Variants in TCF7 observed in about 807,000 individuals in gnomAD.
The protein encoded by TCF7 is transcription factor 7, also known as T-cell-factor-7.
Under a neutral mutation model 46.8 loss-of-function variants are expected in TCF7, and 19 were observed. The ratio of observed to expected loss-of-function variants is 0.41; its 90% CI spans 0.28 to 0.60. TCF7 has a LOEUF of 0.60. Among genes scored for constraint, TCF7 ranks in the 20% least tolerant of loss-of-function variants. TCF7 has a pLI of 0.35. For synonymous variants in TCF7, 245 were observed against 213.4 expected (o/e 1.15, Z -1.29); for missense variants, 547 against 504.6 (o/e 1.08, Z -0.81).
upstream of TCF7, among the ~76,000 whole-genome samples, chr5:134,112,663 G>GA (rs893923075): frequency 6.6e-5 from 10 of 151,770 alleles, no homozygotes; most frequent in Admixed American, 1.3e-4. Context: ...ATAAAGACAT[G>GA]AAAAAAAACA....
intron 3 of TCF7, among the ~76,000 whole-genome samples, chr5:134,134,466 G>A (rs866192566): frequency 1.3e-5 from 2 of 152,258 alleles, no homozygotes; most frequent in South Asian, 4.1e-4. Flanking sequence ...TAGGCCCTGA[G>A]GCTCAGTCTC....
chr5:134,132,735 TGGGGGGTGCGGGTTG>T (rs1215033794), intron 3 of TCF7, among the ~76,000 whole-genome samples: 1 of 68,234 alleles, frequency 1.5e-5, no homozygotes, highest in Non-Finnish European at 2.9e-5. Flanking sequence ...TGCAGGAAGT[TGGGGGGTGCGGGTTG>T]GGGGGGTGGT....
At chr5:134,135,216 T>C (rs1387610726) in intron 3 of TCF7, among the ~76,000 whole-genome samples, 4 of 152,174 alleles carry the variant, frequency 2.6e-5, no homozygotes, top group Admixed American at 6.5e-5. Flanking sequence ...TCCCTCAGCC[T>C]CCCAAAGTGC....
chr5:134,145,884 AG>A, intron 9 of TCF7: 1 of 1,575,818 alleles, frequency 6.3e-7, no homozygotes, highest in Non-Finnish European at 8.6e-7. Context: ...TGCAGATGTG[AG>A]TCCCACAAAC....
chr5:134,143,464 A>T (rs1365213649), intron 8 of TCF7, 128 bp from the exon 9 acceptor site: 2 of 1,111,152 alleles, frequency 1.8e-6, no homozygotes, highest in South Asian at 2.5e-5. Context: ...ATCAAGAAAC[A>T]CCAGCACCCC....
intron 3 of TCF7, among the ~76,000 whole-genome samples, chr5:134,117,107 G>A (rs1291656000): frequency 3.9e-5 from 6 of 152,272 alleles, no homozygotes; most frequent in Non-Finnish European, 4.4e-5. Context: ...AGCCTAGGCT[G>A]GAAAGCCTAT....
chr5:134,108,227 C>T, the TCF7 span, among the ~76,000 whole-genome samples: 1 of 150,778 alleles, frequency 6.6e-6, no homozygotes. Context: ...ACCCGTCCGT[C>T]CCCACTCCCA....
Position 134,146,405 on chromosome 5 carries a change from TC to T in TCF7, c.*106del, listed in dbSNP as rs1197127619. ...TAGCCCTGCGGAGCCGGCACCTACA[TC>T]CCCAGGTCTCTCCACTGCTCTCAGC... On this transcript the variant is annotated 3_prime_UTR_variant, in exon 10 of 10. Coordinates refer to ENST00000342854, the MANE Select transcript of TCF7 (RefSeq NM_003202.5). The T allele has an allele frequency of 7.2e-7, 1 of 1,394,868 alleles. No homozygotes were observed. The highest frequency in any genetic ancestry group is 1.2e-5 in the South Asian group (1 of 86,652). The allele number at this position is 1,394,868 out of a possible 1,614,324, so 86.4% of individuals were successfully genotyped here.
upstream of TCF7, among the ~76,000 whole-genome samples, chr5:134,114,366 C>G (rs1398539770): frequency 1.3e-5 from 2 of 152,132 alleles, no homozygotes; most frequent in African/African-American, 4.8e-5. Context: ...AAGCCACGCC[C>G]AAGTCCCAAG....
At chr5:134,112,802 C>T (rs1015687153), upstream of TCF7, among the ~76,000 whole-genome samples, 1 of 152,128 alleles carries the variant, frequency 6.6e-6, no homozygotes, top group Non-Finnish European at 1.5e-5. Context: ...CAAAACAAAA[C>T]AAAAAGAACC....
intron 3 of TCF7, among the ~76,000 whole-genome samples, chr5:134,129,604 G>GAT (rs1261609742): frequency 1.3e-5 from 2 of 152,230 alleles, no homozygotes; most frequent in African/African-American, 4.8e-5. Context: ...CTGTCCTGAG[G>GAT]GGCGTTCACC....
intron 5 of TCF7, 92 bp from the exon 6 acceptor site, chr5:134,142,093 C>T: frequency 1.3e-6 from 2 of 1,567,632 alleles, no homozygotes; most frequent in East Asian, 2.3e-5. Flanking sequence ...CACCTGTGTC[C>T]TCAAGTTATG....
At chr5:134,137,893 T>C (rs567495956) in intron 3 of TCF7, 166 bp from the exon 4 acceptor site, 1 of 487,086 alleles carries the variant, frequency 2.1e-6, no homozygotes, top group African/African-American at 2.0e-5. Flanking sequence ...TGGGGGCTAG[T>C]GGGCGGGGTA....
chr5:134,110,509 G>GA (rs1454022632), upstream of TCF7, among the ~76,000 whole-genome samples: 1 of 152,192 alleles, frequency 6.6e-6, no homozygotes, highest in Admixed American at 6.5e-5. Context: ...AACAAACAGT[G>GA]AAACTACACA....
chr5:134,144,688 G>A (rs1330530322), intron 9 of TCF7: 1 of 808,638 alleles, frequency 1.2e-6, no homozygotes, highest in Non-Finnish European at 2.1e-6. Flanking sequence ...GCTGTAGGGT[G>A]TCTATAACTG....
At chr5:134,145,154 G>A in intron 9 of TCF7, 1 of 630,876 alleles carries the variant, frequency 1.6e-6, no homozygotes, top group Non-Finnish European at 3.0e-6. Context: ...GGCCTAGCAG[G>A]TCCTCAGCAA....
intron 3 of TCF7, among the ~76,000 whole-genome samples, chr5:134,117,059 C>G (rs896090361): frequency 2.6e-5 from 4 of 152,240 alleles, no homozygotes; most frequent in African/African-American, 9.6e-5. Context: ...GCATGCCAAG[C>G]CAGTGGGAAT....
chr5:134,146,162 G>C, intron 9 of TCF7, 62 bp from the exon 10 acceptor site: 1 of 1,612,628 alleles, frequency 6.2e-7, no homozygotes, highest in South Asian at 1.1e-5. Context: ...GCATTTTTTG[G>C]TTGTGGTGTA....
the TCF7 span, among the ~76,000 whole-genome samples, chr5:134,109,417 G>A: frequency 2.6e-5 from 4 of 152,166 alleles, no homozygotes; most frequent in South Asian, 2.1e-4. Context: ...CATTTGTGAC[G>A]CCGCTTGTCT....
Sources: gnomAD v4.1 joint callset for allele counts (sites outside exome capture counted in the v4.1 genomes callset) on GRCh38, gnomAD v4.1.1 for gene constraint, MANE v1.5 for transcripts, NCBI Gene and HGNC (gene_info 2026-07-23, HGNC 2026-07-21) for gene names.